KIR2DL4: variants seen among roughly 807,000 people sequenced by gnomAD.
KIR2DL4 encodes killer cell immunoglobulin-like receptor 2DL4.
A neutral mutation model predicts 31.0 loss-of-function variants in KIR2DL4; 41 were observed. The observed-to-expected ratio is 1.32, with a 90% CI of 1.03 to 1.72. The LOEUF is 1.72. Among genes scored for constraint, KIR2DL4 ranks in the 40% most tolerant of loss-of-function variants. The pLI is 0.00. For synonymous variants in KIR2DL4, 164 were observed against 133.6 expected (o/e 1.23, Z -1.57); for missense variants, 438 against 353.7 (o/e 1.24, Z -1.91).
exon 8 of KIR2DL4, chr19:54,814,279 C>A: frequency 1.4e-6 from 1 of 735,028 alleles, no homozygotes; most frequent in Non-Finnish European, 2.2e-6. Flanking sequence ...ACCTCTCCAA[C>A]CTAACTGGCT....
intron 4 of KIR2DL4, among the ~76,000 whole-genome samples, chr19:54,807,282 G>A (rs2060586182): frequency 6.6e-6 from 1 of 150,996 alleles, no homozygotes; most frequent in African/African-American, 2.5e-5. Context: ...TGATGGGCAG[G>A]TAGGTTGACT....
chr19:54,811,268 C>T (rs1315011276), intron 5 of KIR2DL4, among the ~76,000 whole-genome samples: 7 of 150,538 alleles, frequency 4.6e-5, no homozygotes, highest in African/African-American at 1.7e-4. Flanking sequence ...GGTGGTGGCG[C>T]GTGCCTGTAA....
intron 4 of KIR2DL4, among the ~76,000 whole-genome samples, chr19:54,807,038 T>C (rs2060574168): frequency 6.7e-6 from 1 of 150,052 alleles, no homozygotes; most frequent in African/African-American, 2.5e-5. Flanking sequence ...AATACTTTTA[T>C]ATTCTTCTTT....
At chr19:54,814,140 C>G in exon 8 of KIR2DL4, 7 of 1,603,898 alleles carry the variant, frequency 4.4e-6, no homozygotes, top group Non-Finnish European at 5.9e-6. Context: ...TAGAGCATCA[C>G]TCTTCCTCAC....
At chr19:54,806,241 A>G in exon 4 of KIR2DL4, 1 of 1,609,438 alleles carries the variant, frequency 6.2e-7, no homozygotes, top group Non-Finnish European at 8.5e-7. Context: ...TGTTTCTGTC[A>G]CAGGTGAGGA....
At chr19:54,806,890 C>T (rs2147910417) in intron 4 of KIR2DL4, among the ~76,000 whole-genome samples, 1 of 150,886 alleles carries the variant, frequency 6.6e-6, no homozygotes, top group South Asian at 2.1e-4. Context: ...TGCCAGGCGC[C>T]TATAATCCCA....
At position 54,812,185 on chromosome 19, in the gene KIR2DL4, C is replaced by G. The variant is rs1481731055; in HGVS notation, c.707-940C>G. ...ATCACTCACCATCACTCCAGGGAGA[C>G]AGAACACACAGGGAATACATTACAT... On this transcript the variant is annotated intron_variant, in intron 5 of 7. Transcript: ENST00000359085. Among the ~76,000 whole-genome samples the G allele has an allele frequency of 1.7e-3, 252 of 151,258 alleles. 11 individuals are homozygous for G. Among genetic ancestry groups the G allele is most frequent in the African/African-American group, 5.3e-3 (216 of 40,982 alleles).
At position 54,813,961 on chromosome 19, in the gene KIR2DL4, C is replaced by T. The variant is rs746721614; in HGVS notation, c.*161C>T. The T allele has an allele frequency of 3.4e-5, 55 of 1,612,376 alleles. 2 individuals carry two copies. In the East Asian group the frequency reaches 7.4e-4, roughly 22 times the overall value. ...GCAAGAGACCCTCAACAGATACCAG[C>T]GTGTGTATAGAACTTCCAAATGCTG... On this transcript the variant is annotated 3_prime_UTR_variant, in exon 8 of 8. Transcript: ENST00000359085.
chr19:54,805,925 G>A (rs2060488817), intron 3 of KIR2DL4, 26 bp from the exon 4 acceptor site: 1 of 1,582,732 alleles, frequency 6.3e-7, no homozygotes, highest in Non-Finnish European at 8.6e-7. Context: ...GAACCTCCCT[G>A]AGGAAACTGC....
At chr19:54,804,793 G>A (rs2060397572) in exon 3 of KIR2DL4, 1 of 1,611,356 alleles carries the variant, frequency 6.2e-7, no homozygotes, top group East Asian at 2.2e-5. Context: ...TCTCCCCAAG[G>A]TGGTCAGGAC....
rs200435373 is a variant in KIR2DL4, at chr19:54,806,109, A to G, written c.520A>G (p.Ile174Val). 7.4e-6 allele frequency: 12 copies of G among 1,611,632 alleles called. No homozygotes were observed. In the African/African-American group the frequency reaches 9.5e-5, roughly 13 times the overall value. The change falls in exon 4 of 8, where the codon ATC becomes GTC. Residue 174 changes from isoleucine to valine, a missense_variant. Ile to Val is a conservative substitution (Grantham distance 29, BLOSUM62 3). Coordinates refer to ENST00000359085, the Ensembl canonical transcript of KIR2DL4. ...ACTTAGGCTCCCTGCAGTGCCCAGC[A>G]TCAATGGAACATTCCAGGCCGACTT...
chr19:54,803,979 T>C, intron 2 of KIR2DL4, 53 bp downstream of exon 2: 2 of 1,530,148 alleles, frequency 1.3e-6, no homozygotes, highest in South Asian at 2.3e-5. Flanking sequence ...TACAAGTGAA[T>C]TTTCCAGAAA....
chr19:54,814,441 T>A lies in KIR2DL4; in HGVS notation c.*641T>A, dbSNP rs1448515720. The A allele has an allele frequency of 2.8e-5, 10 of 356,708 alleles. No individual in the cohort carries two copies. The East Asian group carries it at 6.3e-4, about 23-fold the overall frequency. The allele number at this position is 356,708 out of a possible 1,614,324, so 22.1% of individuals were successfully genotyped here. On this transcript the variant is annotated 3_prime_UTR_variant, in exon 8 of 8. Coordinates refer to ENST00000359085, the Ensembl canonical transcript of KIR2DL4. ...TTCCTCAGACTATTTTTCAGCCTTC[T>A]GGCATCAGCAAACCTTATAAAATTT...
exon 8 of KIR2DL4, chr19:54,813,940 G>C (rs2061045439): frequency 6.2e-7 from 1 of 1,612,468 alleles, no homozygotes; most frequent in African/African-American, 1.3e-5. Context: ...AGAGGAGCAA[G>C]AGACCCTCAA....
chr19:54,809,030 A>C, intron 5 of KIR2DL4, 147 bp downstream of exon 5: 1 of 762,416 alleles, frequency 1.3e-6, no homozygotes. Context: ...CAACAGCGAA[A>C]GGGATCTGGG....
exon 5 of KIR2DL4, chr19:54,808,844 A>C (rs1200909351): frequency 1.3e-6 from 2 of 1,596,712 alleles, no homozygotes; most frequent in African/African-American, 2.7e-5. Context: ...AAACCCTTCT[A>C]GTAGTTGGCC....
chr19:54,813,095 G>A (rs779491252), intron 5 of KIR2DL4: 12 of 1,422,078 alleles, frequency 8.4e-6, no homozygotes, highest in Middle Eastern at 3.8e-4. Flanking sequence ...GCTATGGTTA[G>A]CTTCTTATTG....
chr19:54,810,954 G>A (rs1428070322), intron 5 of KIR2DL4, among the ~76,000 whole-genome samples: 1 of 151,234 alleles, frequency 6.6e-6, no homozygotes, highest in African/African-American at 2.4e-5. Context: ...TAATTTGCAG[G>A]GAGGGCTTGC....
chr19:54,805,877 G>A (rs2060486443), intron 3 of KIR2DL4, 74 bp from the exon 4 acceptor site: 1 of 1,356,306 alleles, frequency 7.4e-7, no homozygotes, highest in Admixed American at 2.1e-5. Flanking sequence ...AGGGCAGTGA[G>A]TTCTCAGCTC....
Sources: allele counts gnomAD v4.1 joint callset (sites outside exome capture counted in the v4.1 genomes callset), GRCh38; gene constraint gnomAD v4.1.1; transcripts MANE v1.5; gene names NCBI Gene and HGNC (gene_info 2026-07-23, HGNC 2026-07-21).